UBASH3B: variants seen among roughly 807,000 people sequenced by gnomAD.
The protein encoded by UBASH3B is ubiquitin-associated and SH3 domain-containing protein B.
UBASH3B carries 37 observed loss-of-function variants against 83.4 expected under a neutral mutation model. The ratio of observed to expected loss-of-function variants is 0.44; its 90% confidence interval spans 0.34 to 0.58. The LOEUF (loss-of-function observed/expected upper bound fraction) is 0.58, where lower values mean the gene tolerates loss of function less well. Among genes scored for constraint, UBASH3B ranks in the 20% least tolerant of loss-of-function variants. The pLI is 0.01. For missense variants in UBASH3B, 657 were observed against 827.2 expected (o/e 0.79, Z 2.52); for synonymous variants, 304 against 318.3 (o/e 0.96, Z 0.48).
intron 1 of UBASH3B, among the ~76,000 whole-genome samples, chr11:122,753,150 A>T (rs1412922196): frequency 1.3e-5 from 2 of 151,556 alleles, no homozygotes; most frequent in Non-Finnish European, 2.9e-5. Flanking sequence ...AAAAAAAAAA[A>T]CTCGAGTTTC....
chr11:122,748,746 C>T (rs1435004132), intron 1 of UBASH3B, among the ~76,000 whole-genome samples: 1 of 152,168 alleles, frequency 6.6e-6, no homozygotes, highest in East Asian at 1.9e-4. Flanking sequence ...GCCTGCTGCC[C>T]ACCCAACTCT....
chr11:122,712,896 GTTTTTTTTTTTTTTTT>G (rs386375116), intron 1 of UBASH3B, among the ~76,000 whole-genome samples: 123 of 64,530 alleles, frequency 1.9e-3, no homozygotes, highest in Middle Eastern at 0.011. Flanking sequence ...TCTCTGGGTG[GTTTTTTTTTTTTTTTT>G]TTTTTTTTTT....
intron 1 of UBASH3B, among the ~76,000 whole-genome samples, chr11:122,757,588 TTAA>T (rs1218379097): frequency 5.3e-5 from 8 of 152,178 alleles, no homozygotes; most frequent in African/African-American, 1.9e-4. Context: ...TAGTATACAA[TTAA>T]TAATCACCTT....
chr11:122,803,550 G>T (rs185033837), intron 11 of UBASH3B, among the ~76,000 whole-genome samples: 9 of 152,196 alleles, frequency 5.9e-5, no homozygotes, highest in South Asian at 2.1e-4. Flanking sequence ...GGCCTGGGGG[G>T]GTTGAAAACA....
intron 1 of UBASH3B, among the ~76,000 whole-genome samples, chr11:122,682,637 C>G (rs1026664562): frequency 2.6e-5 from 4 of 152,160 alleles, no homozygotes; most frequent in African/African-American, 7.2e-5. Context: ...TAGGGGCCAG[C>G]TCTCCTCTCA....
At chr11:122,658,895 G>A (rs1408348945) in intron 1 of UBASH3B, among the ~76,000 whole-genome samples, 2 of 152,224 alleles carry the variant, frequency 1.3e-5, no homozygotes, top group Non-Finnish European at 2.9e-5. Context: ...GTAGAGACCA[G>A]GAGTTGAAAA....
intron 10 of UBASH3B, among the ~76,000 whole-genome samples, chr11:122,800,247 G>A (rs562527693): frequency 6.6e-6 from 1 of 152,160 alleles, no homozygotes; most frequent in East Asian, 1.9e-4. Context: ...TTTAGAAAGA[G>A]GAATTATGGG....
intron 11 of UBASH3B, among the ~76,000 whole-genome samples, chr11:122,802,435 G>A (rs950993199): frequency 1.3e-5 from 2 of 151,758 alleles, no homozygotes; most frequent in African/African-American, 4.8e-5. Context: ...CCATTATAAT[G>A]GGGAATTAAG....
intron 13 of UBASH3B, 119 bp from the exon 14 acceptor site, chr11:122,809,630 C>T: frequency 9.8e-7 from 1 of 1,017,324 alleles, no homozygotes; most frequent in South Asian, 1.7e-5. Context: ...TTCTACAAAG[C>T]CACTATCCAT....
intron 1 of UBASH3B, among the ~76,000 whole-genome samples, chr11:122,769,764 C>T (rs1860610551): frequency 6.6e-6 from 1 of 152,236 alleles, no homozygotes; most frequent in African/African-American, 2.4e-5. Flanking sequence ...TGGCTGGACT[C>T]TTCAACCAGG....
At chr11:122,741,185 T>A (rs540590186) in intron 1 of UBASH3B, among the ~76,000 whole-genome samples, 23 of 152,334 alleles carry the variant, frequency 1.5e-4, no homozygotes, top group African/African-American at 5.1e-4. Context: ...AGCTGTGATG[T>A]GATTCAGATT....
Position 122,783,190 on chromosome 11 carries a change from T to A in UBASH3B, c.739T>A (p.Phe247Ile). ...KLGCDWVATI[F>I]SRDIRFANHE... The stretch of plus-strand genomic sequence containing the variant: ...AGGGTGTGACTGGGTGGCTACCATA[T>A]TTTCTCGGGATATCCGATTTGCTAA... Residue 247 changes from phenylalanine to isoleucine, a missense_variant, in exon 5 of 14, where the codon TTT (phenylalanine) becomes ATT (isoleucine). Coordinates refer to ENST00000284273, the MANE Select transcript of UBASH3B (RefSeq NM_032873.5). 6.2e-7 allele frequency: 1 copy of A among 1,614,062 alleles called. No homozygotes were observed. The highest frequency in any genetic ancestry group is 8.5e-7 in the Non-Finnish European group (1 of 1,179,978).
At chr11:122,677,465 A>G (rs971165704) in intron 1 of UBASH3B, among the ~76,000 whole-genome samples, 1 of 152,136 alleles carries the variant, frequency 6.6e-6, no homozygotes, top group Non-Finnish European at 1.5e-5. Flanking sequence ...GCCCTGGAAC[A>G]TTGTACGTAC....
chr11:122,694,015 A>G (rs1863929485), intron 1 of UBASH3B, among the ~76,000 whole-genome samples: 1 of 152,254 alleles, frequency 6.6e-6, no homozygotes, highest in African/African-American at 2.4e-5. Context: ...AGGCCCAGTC[A>G]TAAGGTCGAC....
chr11:122,794,777 T>C lies in UBASH3B; in HGVS notation c.1056T>C (p.Tyr352=). 3 of 1,614,166 alleles carry C rather than the reference T, an allele frequency of 1.9e-6. No homozygotes were observed. Among genetic ancestry groups the C allele is most frequent in the African/African-American group, 1.3e-5 (1 of 75,044 alleles). The stretch of plus-strand genomic sequence containing the variant: ...ATGGAGTATTGGAGAGGCGGCCTTA[T>C]GAGGACCAGGGGCTCGGGGAGACGA... The part of the protein sequence containing the change: ...FGDGVLERRP[Y]EDQGLGETTP... The change falls in exon 7 of 14, where the codon TAT becomes TAC. Residue 352 remains tyrosine, a synonymous_variant. Coordinates refer to ENST00000284273, the MANE Select transcript of UBASH3B (RefSeq NM_032873.5).
intron 1 of UBASH3B, among the ~76,000 whole-genome samples, chr11:122,690,194 A>ATATCCAATTT (rs1863870351): frequency 4.7e-5 from 1 of 21,292 alleles, no homozygotes; most frequent in Non-Finnish European, 8.9e-5. Context: ...ATATATATAT[A>ATATCCAATTT]TATATATATA....
Position 122,656,151 on chromosome 11 carries a change from C to T in UBASH3B, c.102C>T (p.Thr34=). ...GGAACCGCCAACAGCGCCCCGGCAC[C>T]ATCAAGCATGGATCGGCGCTGGACG... is the stretch of plus-strand genomic sequence containing the variant. ...PRRNRQQRPG[T]IKHGSALDVL... is the part of the protein sequence containing the mutation. The change falls in exon 1 of 14, where the codon ACC becomes ACT. Residue 34 remains threonine (T), a synonymous_variant. Coordinates refer to ENST00000284273, the MANE Select transcript of UBASH3B (RefSeq NM_032873.5). The T allele has an allele frequency of 6.3e-7, 1 of 1,584,710 alleles. No individual in the cohort carries two copies. Among genetic ancestry groups the T allele is most frequent in the Non-Finnish European group, 8.6e-7 (1 of 1,166,744 alleles).
chr11:122,760,359 T>C (rs1861349983), intron 1 of UBASH3B, among the ~76,000 whole-genome samples: 1 of 151,884 alleles, frequency 6.6e-6, no homozygotes, highest in Non-Finnish European at 1.5e-5. Flanking sequence ...AAGTTTTTTT[T>C]TTTTTTGTTA....
chr11:122,779,268 G>A (rs938055971), intron 3 of UBASH3B: 11 of 585,724 alleles, frequency 1.9e-5, no homozygotes, highest in Admixed American at 3.0e-5. Context: ...TCACAGCAAG[G>A]AAAGGAGGGA....
Sources: allele counts gnomAD v4.1 joint callset (sites outside exome capture counted in the v4.1 genomes callset), GRCh38; gene constraint gnomAD v4.1.1; transcripts MANE v1.5; gene names NCBI Gene and HGNC (gene_info 2026-07-23, HGNC 2026-07-21).